MBNL3: variants seen among roughly 807,000 people sequenced by gnomAD.
The protein encoded by MBNL3 is muscleblind-like protein 3.
MBNL3 carries 6 observed loss-of-function variants against 24.5 expected under a neutral mutation model. The observed-to-expected ratio is 0.25, with a 90% CI of 0.13 to 0.48. The LOEUF (loss-of-function observed/expected upper bound fraction) is 0.48. Among genes scored for constraint, MBNL3 ranks in the 20% least tolerant of loss-of-function variants. MBNL3 has a pLI of 0.99. For synonymous variants in MBNL3, 100 were observed against 101.7 expected, an observed-to-expected ratio of 0.98 and a Z score of 0.10; for missense variants, 230 against 293.5, an observed-to-expected ratio of 0.78 and a Z score of 1.58.
intron 1 of MBNL3, among the ~76,000 whole-genome samples, chrX:132,476,353 G>A (rs910462607): frequency 1.8e-5 from 2 of 111,558 alleles, no homozygotes; most frequent in Non-Finnish European, 3.8e-5. Context: ...GGGAAGAAGG[G>A]GTTTCCCTCA....
At chrX:132,438,518 A>G (rs1047720905) in intron 2 of MBNL3, among the ~76,000 whole-genome samples, 1 of 110,836 alleles carries the variant, frequency 9.0e-6, no homozygotes, top group Non-Finnish European at 1.9e-5. Flanking sequence ...GTTAAGCTTA[A>G]TTCATTTTGA....
chrX:132,388,245 A>G (rs753672618), intron 5 of MBNL3, among the ~76,000 whole-genome samples: 1 of 112,222 alleles, frequency 8.9e-6, no homozygotes, highest in South Asian at 3.7e-4. Flanking sequence ...GAGTGAGATA[A>G]AATAAACTGA....
intron 3 of MBNL3, among the ~76,000 whole-genome samples, chrX:132,396,471 T>C (rs1938523446): frequency 1.3e-5 from 1 of 77,599 alleles, no homozygotes; most frequent in Non-Finnish European, 2.3e-5. Context: ...TATTCCTATA[T>C]ATATTCATAT....
intron 1 of MBNL3, among the ~76,000 whole-genome samples, chrX:132,443,223 A>C (rs946112005): frequency 1.8e-5 from 2 of 112,026 alleles, no homozygotes; most frequent in African/African-American, 3.2e-5. Flanking sequence ...GTGATAACCC[A>C]AAACACTGAT....
intron 1 of MBNL3, among the ~76,000 whole-genome samples, chrX:132,441,686 T>C (rs1471850705): frequency 1.8e-5 from 2 of 112,126 alleles, no homozygotes; most frequent in Non-Finnish European, 3.8e-5. Flanking sequence ...TGGCTGGGAA[T>C]ATGAAATGTT....
chrX:132,448,711 C>T (rs148980371), intron 1 of MBNL3, among the ~76,000 whole-genome samples: 301 of 111,219 alleles, frequency 2.7e-3, no homozygotes, highest in Non-Finnish European at 4.5e-3. Flanking sequence ...TTGCATCTCG[C>T]GTTCTTGTAA....
intron 1 of MBNL3, among the ~76,000 whole-genome samples, chrX:132,455,977 CAAG>C (rs1946352059): frequency 8.9e-6 from 1 of 111,923 alleles, no homozygotes; most frequent in Admixed American, 9.5e-5. Context: ...CTCTCTACTA[CAAG>C]TTGTCCAAAC....
chrX:132,487,520 C>G (rs2148560280), intron 1 of MBNL3, among the ~76,000 whole-genome samples: 1 of 112,431 alleles, frequency 8.9e-6, no homozygotes, highest in African/African-American at 3.2e-5. Flanking sequence ...CAATATTTTT[C>G]TCCCTTTCCA....
chrX:132,428,265 C>G (rs1474015198), intron 2 of MBNL3, among the ~76,000 whole-genome samples: 1 of 111,011 alleles, frequency 9.0e-6, no homozygotes, highest in Non-Finnish European at 1.9e-5. Context: ...ATGATTTACT[C>G]TATCTCTAGA....
At chrX:132,404,163 T>A (rs1941410378) in intron 3 of MBNL3, among the ~76,000 whole-genome samples, 1 of 111,907 alleles carries the variant, frequency 8.9e-6, no homozygotes, top group African/African-American at 3.3e-5. Flanking sequence ...ATCCATGTCA[T>A]CTCATTTCAC....
At chrX:132,407,310 T>A (rs1421781109) in intron 2 of MBNL3, among the ~76,000 whole-genome samples, 1 of 111,954 alleles carries the variant, frequency 8.9e-6, no homozygotes, top group Non-Finnish European at 1.9e-5. Context: ...AAATATTAGA[T>A]CACTAGGGCA....
At chrX:132,448,494 C>G in intron 1 of MBNL3, among the ~76,000 whole-genome samples, 1 of 111,321 alleles carries the variant, frequency 9.0e-6, no homozygotes. Context: ...GTGATATCCC[C>G]CTTATCATTT....
At chrX:132,460,954 T>TA (rs1946598512) in intron 1 of MBNL3, among the ~76,000 whole-genome samples, 1 of 111,562 alleles carries the variant, frequency 9.0e-6, no homozygotes, top group Non-Finnish European at 1.9e-5. Context: ...AGTAAGAACA[T>TA]ACGGTATTTG....
At chrX:132,408,068 CT>C (rs1330729148) in intron 2 of MBNL3, among the ~76,000 whole-genome samples, 2 of 91,235 alleles carry the variant, frequency 2.2e-5, no homozygotes, top group African/African-American at 8.5e-5. Context: ...ATCTCTACCC[CT>C]GACCTCTCTT....
At chrX:132,433,275 A>G (rs957893512) in intron 2 of MBNL3, among the ~76,000 whole-genome samples, 2 of 111,998 alleles carry the variant, frequency 1.8e-5, no homozygotes, top group Non-Finnish European at 3.8e-5. Context: ...ATCTTGAGCA[A>G]AGCAACCCTG....
chrX:132,489,920 C>T (rs1289854359), upstream of MBNL3: 1 of 112,422 alleles, frequency 8.9e-6, no homozygotes, highest in Non-Finnish European at 1.9e-5. Flanking sequence ...TCACTGCTCC[C>T]AAAGAGCGCC....
chrX:132,414,978 C>T (rs1359520565), intron 2 of MBNL3, among the ~76,000 whole-genome samples: 5 of 111,727 alleles, frequency 4.5e-5, no homozygotes, highest in African/African-American at 1.6e-4. Context: ...CCCAACACCC[C>T]TTTTCAAAGC....
At chrX:132,406,193 T>G in intron 3 of MBNL3, 35 bp downstream of exon 3, 1 of 1,207,052 alleles carries the variant, frequency 8.3e-7, no homozygotes, top group Non-Finnish European at 1.1e-6. Context: ...CTGTTGATCT[T>G]TATCGGCAAT....
intron 3 of MBNL3, among the ~76,000 whole-genome samples, chrX:132,400,250 C>A (rs998189254): frequency 9.0e-6 from 1 of 111,515 alleles, no homozygotes; most frequent in Non-Finnish European, 1.9e-5. Flanking sequence ...AAGAAGATAT[C>A]ATGTACAAGT....
Sources: gnomAD v4.1 joint callset for allele counts (sites outside exome capture counted in the v4.1 genomes callset) on GRCh38, gnomAD v4.1.1 for gene constraint, MANE v1.5 for transcripts, NCBI Gene and HGNC (gene_info 2026-07-23, HGNC 2026-07-21) for gene names.